RBFOX1: variants seen among roughly 807,000 people sequenced by gnomAD.
RBFOX1 encodes RNA binding fox-1 homolog 1.
Under a neutral mutation model 57.7 loss-of-function variants are expected in RBFOX1, and 8 were observed. The observed-to-expected ratio is 0.14, with a 90% CI of 0.08 to 0.25. The LOEUF is 0.25. Ranked by LOEUF, RBFOX1 falls within the 10% of genes least tolerant of loss-of-function variation. The pLI is 1.00. For missense variants in RBFOX1, 611 were observed against 548.5 expected (o/e 1.11, Z -1.14); for synonymous variants, 326 against 222.4 (o/e 1.47, Z -4.15).
chr16:6,444,246 A>G (rs536413763), intron 2 of RBFOX1, among the ~76,000 whole-genome samples: 1 of 152,048 alleles, frequency 6.6e-6, no homozygotes, highest in Non-Finnish European at 1.5e-5. Flanking sequence ...TTAATTGAAT[A>G]TGCTCTCCCC....
At chr16:7,631,968 G>A (rs916861910) in intron 11 of RBFOX1, among the ~76,000 whole-genome samples, 3 of 152,268 alleles carry the variant, frequency 2.0e-5, no homozygotes, top group South Asian at 2.1e-4. Flanking sequence ...GGAGTGCAGT[G>A]GTGCCATCTC....
intron 4 of RBFOX1, among the ~76,000 whole-genome samples, chr16:7,305,243 C>T (rs951076804): frequency 6.6e-6 from 1 of 151,914 alleles, no homozygotes; most frequent in Non-Finnish European, 1.5e-5. Flanking sequence ...TGACACCTTA[C>T]TCTCTGTCTT....
intron 9 of RBFOX1, among the ~76,000 whole-genome samples, chr16:7,602,517 C>G (rs905977593): frequency 1.3e-5 from 2 of 152,176 alleles, no homozygotes; most frequent in Non-Finnish European, 1.5e-5. Flanking sequence ...CACAAACTGC[C>G]TAAGAAATTA....
At chr16:6,225,253 T>C (rs1330861345) in intron 1 of RBFOX1, among the ~76,000 whole-genome samples, 1 of 151,936 alleles carries the variant, frequency 6.6e-6, no homozygotes, top group East Asian at 1.9e-4. Context: ...TATAAAATAG[T>C]GCCCCTGTTC....
At chr16:5,984,062 T>TCTCCCTCCCCCTCCCCCTCCTCCTC (rs2060231368) in intron 4 of RBFOX1, among the ~76,000 whole-genome samples, 2 of 34,088 alleles carry the variant, frequency 5.9e-5, no homozygotes, top group African/African-American at 3.1e-4. Context: ...TCCCCCTCCT[T>TCTCCCTCCCCCTCCCCCTCCTCCTC]CTCCCTCCCA....
chr16:7,226,679 T>C (rs9888841), intron 4 of RBFOX1, among the ~76,000 whole-genome samples: 140,785 of 152,278 alleles, frequency 0.92, 65,329 homozygotes, highest in East Asian at 1. Flanking sequence ...ACTTAATTTC[T>C]AAAACCGCAA....
chr16:7,158,169 A>C (rs2077526762), intron 4 of RBFOX1, among the ~76,000 whole-genome samples: 1 of 152,100 alleles, frequency 6.6e-6, no homozygotes. Flanking sequence ...CAACATGGTG[A>C]AACCCTGTCT....
chr16:5,842,648 A>G (rs769701612), intron 3 of RBFOX1, among the ~76,000 whole-genome samples: 7 of 152,208 alleles, frequency 4.6e-5, no homozygotes, highest in Non-Finnish European at 7.3e-5. Context: ...AATGAGGTCC[A>G]TGCTCTTCCT....
At chr16:6,394,021 A>G (rs1218202841) in intron 2 of RBFOX1, among the ~76,000 whole-genome samples, 4 of 152,170 alleles carry the variant, frequency 2.6e-5, no homozygotes, top group Non-Finnish European at 5.9e-5. Flanking sequence ...AGAAGACTAT[A>G]CTAAATTGTT....
chr16:6,536,025 G>A (rs984229030), intron 2 of RBFOX1, among the ~76,000 whole-genome samples: 1 of 152,142 alleles, frequency 6.6e-6, no homozygotes, highest in Non-Finnish European at 1.5e-5. Context: ...ATGGAGATGT[G>A]TGATTCATGC....
intron 5 of RBFOX1, among the ~76,000 whole-genome samples, chr16:7,575,152 T>G (rs2093204376): frequency 6.6e-6 from 1 of 152,102 alleles, no homozygotes; most frequent in Non-Finnish European, 1.5e-5. Flanking sequence ...ATCCTTTTTT[T>G]GAGATGGAGT....
chr16:7,680,581 C>T (rs1429920985), intron 14 of RBFOX1, among the ~76,000 whole-genome samples: 1 of 152,196 alleles, frequency 6.6e-6, no homozygotes, highest in East Asian at 1.9e-4. Flanking sequence ...CCACATAAAA[C>T]ATGCATTTCT....
intron 3 of RBFOX1, among the ~76,000 whole-genome samples, chr16:6,754,044 C>T (rs538299050): frequency 6.6e-5 from 10 of 152,272 alleles, no homozygotes; most frequent in African/African-American, 2.2e-4. Flanking sequence ...ATCCAATATA[C>T]ATACCCACTC....
intron 2 of RBFOX1, among the ~76,000 whole-genome samples, chr16:6,421,697 C>T (rs79903841): frequency 0.016 from 2,510 of 152,254 alleles, 64 homozygotes; most frequent in African/African-American, 0.055. Context: ...AAAAAATGAT[C>T]GGGATAAATT....
intron 1 of RBFOX1, among the ~76,000 whole-genome samples, chr16:6,261,451 A>G (rs1008421000): frequency 1.3e-5 from 2 of 152,140 alleles, no homozygotes; most frequent in Admixed American, 6.6e-5. Flanking sequence ...GATGAGTGTG[A>G]TTGTTTTAGT....
chr16:6,082,894 C>G (rs138198386), intron 1 of RBFOX1, among the ~76,000 whole-genome samples: 1 of 152,282 alleles, frequency 6.6e-6, no homozygotes, highest in Non-Finnish European at 1.5e-5. Flanking sequence ...ATCACGGAGC[C>G]TAGCCCATAG....
chr16:5,891,341 C>T (rs2058040992), intron 4 of RBFOX1, among the ~76,000 whole-genome samples: 1 of 152,114 alleles, frequency 6.6e-6, no homozygotes, highest in Non-Finnish European at 1.5e-5. Context: ...TAGGGGGATG[C>T]CCTTGGTTTC....
intron 1 of RBFOX1, among the ~76,000 whole-genome samples, chr16:6,225,447 A>C (rs143714145): frequency 1.9e-3 from 283 of 152,304 alleles, no homozygotes; most frequent in African/African-American, 5.4e-3. Context: ...TCTGGAATGT[A>C]CATTTAATAC....
rs145996665 is a variant in RBFOX1 at position 6,665,075 on chromosome 16, C to T, written c.-16+10425C>T. On this transcript the variant is annotated intron_variant, in intron 3 of 15. Transcript: ENST00000550418. ...AGTGACAGTTATGAGTAAAGTGGGA[C>T]TGTCTTCAGCATAGCTGGATGCTGG... Among the ~76,000 whole-genome samples, 8 of 152,346 alleles carry T rather than the reference C, an allele frequency of 5.3e-5. No homozygotes were observed. The East Asian group carries it at 1.5e-3, about 29-fold the overall frequency.
Sources: gnomAD v4.1 joint callset for allele counts (sites outside exome capture counted in the v4.1 genomes callset) on GRCh38, gnomAD v4.1.1 for gene constraint, MANE v1.5 for transcripts, NCBI Gene and HGNC (gene_info 2026-07-23, HGNC 2026-07-21) for gene names.